The following BORCS5 variants were observed in gnomAD, a reference collection of about 807,000 sequenced individuals.
BORCS5 encodes the protein BLOC-1 related complex subunit 5.
BORCS5 carries 17 observed loss-of-function variants against 22.1 expected under a neutral mutation model. That is an observed-to-expected ratio of 0.77 (90% CI 0.53 to 1.15). The LOEUF is 1.15. BORCS5 is among the 50% of genes most tolerant of loss of function. The pLI, the probability that BORCS5 is intolerant of heterozygous loss-of-function variation, is 0.00. For missense variants in BORCS5, 247 were observed against 253.2 expected, an observed-to-expected ratio of 0.98 and a Z score of 0.17; for synonymous variants, 117 against 99.8, an observed-to-expected ratio of 1.17 and a Z score of -1.03.
At chr12:12,453,797 C>T (rs753786807) in intron 3 of BORCS5, among the ~76,000 whole-genome samples, 29 of 152,142 alleles carry the variant, frequency 1.9e-4, no homozygotes, top group Non-Finnish European at 3.8e-4. Context: ...TTTTCATCTG[C>T]CTAGAATGAA....
chr12:12,450,505 T>G (rs1291347504), intron 3 of BORCS5, among the ~76,000 whole-genome samples: 1 of 152,224 alleles, frequency 6.6e-6, no homozygotes, highest in African/African-American at 2.4e-5. Context: ...GTCTGGTAAT[T>G]TATTATTTTT....
At chr12:12,367,942 A>G (rs1442062530) in intron 2 of BORCS5, among the ~76,000 whole-genome samples, 3 of 152,198 alleles carry the variant, frequency 2.0e-5, no homozygotes, top group African/African-American at 7.2e-5. Flanking sequence ...ACAGAAGACG[A>G]ACACTTTCTT....
At chr12:12,447,885 C>T (rs575073492) in intron 3 of BORCS5, among the ~76,000 whole-genome samples, 1 of 152,286 alleles carries the variant, frequency 6.6e-6, no homozygotes, top group Non-Finnish European at 1.5e-5. Flanking sequence ...AGGTTAGTGG[C>T]GTGGCTTGGA....
chr12:12,421,846 T>A (rs1329805580), intron 2 of BORCS5, among the ~76,000 whole-genome samples: 2 of 152,228 alleles, frequency 1.3e-5, no homozygotes, highest in Admixed American at 1.3e-4. Context: ...TGTAGAAGTG[T>A]TTATAGTGTT....
chr12:12,406,169 G>A (rs541804933), intron 2 of BORCS5, among the ~76,000 whole-genome samples: 2 of 152,288 alleles, frequency 1.3e-5, no homozygotes, highest in African/African-American at 4.8e-5. Flanking sequence ...GTCTGGAGTG[G>A]GTGGCAATTT....
chr12:12,364,581 A>T (rs1003172977), intron 2 of BORCS5, among the ~76,000 whole-genome samples: 2 of 135,638 alleles, frequency 1.5e-5, no homozygotes, highest in Non-Finnish European at 3.2e-5. Flanking sequence ...GTTGTTGTTC[A>T]AGGGTCAGCT....
At position 12,357,317 on chromosome 12, in the gene BORCS5, A is replaced by G; in HGVS notation, c.-135A>G. The G allele has an allele frequency of 2.7e-6, 4 of 1,471,602 alleles. No homozygotes were observed. Among genetic ancestry groups the G allele is most frequent in the Admixed American group, 2.4e-5 (1 of 42,172 alleles). The allele number at this position is 1,471,602 out of a possible 1,614,324, so 91.2% of individuals were successfully genotyped here. ...TGCGTGGGCTGGACGCGTCAGCCCC[A>G]CACATTAGCCTCGCTGCGGCGCCCA... On this transcript the variant is annotated 5_prime_UTR_variant, in exon 1 of 4. Transcript: ENST00000314565.
chr12:12,376,861 G>C (rs1223545148), intron 2 of BORCS5, among the ~76,000 whole-genome samples: 2 of 152,164 alleles, frequency 1.3e-5, no homozygotes, highest in Non-Finnish European at 2.9e-5. Context: ...TGAAACTGCT[G>C]CAACCTGGTG....
intron 2 of BORCS5, among the ~76,000 whole-genome samples, chr12:12,412,918 T>A (rs576993158): frequency 0.036 from 5,116 of 142,228 alleles, 367 homozygotes; most frequent in African/African-American, 0.12. Context: ...TTTTTTTTTT[T>A]TTTTTTTATT....
intron 3 of BORCS5, among the ~76,000 whole-genome samples, chr12:12,457,659 C>T (rs1310207576): frequency 6.6e-6 from 1 of 152,204 alleles, no homozygotes; most frequent in African/African-American, 2.4e-5. Context: ...CTCTCCCCTC[C>T]CCACAAACTC....
chr12:12,442,581 T>A (rs1403366799), intron 3 of BORCS5, among the ~76,000 whole-genome samples: 3 of 152,202 alleles, frequency 2.0e-5, no homozygotes, highest in Non-Finnish European at 2.9e-5. Flanking sequence ...TACACAGGAT[T>A]ATGAAGAGGC....
In BORCS5 at chr12:12,438,366, A is replaced by AAAACAAAAAAAAAAAAAAC. The variant is rs1555155989; in HGVS notation, c.360+2584_360+2585insCAAAAAAAAAAAAAACAAA. 1.3e-3 allele frequency among the ~76,000 whole-genome samples: 148 copies of AAAACAAAAAAAAAAAAAAC among 118,080 alleles called. 5 individuals carry two copies. The highest frequency in any genetic ancestry group is 6.5e-3 in the African/African-American group (143 of 21,932). 77.5% of individuals were successfully genotyped at this position (118,080 alleles called of 152,430 possible). ...ACAGAGCCAGATTTCATCTCAAAAA[A>AAAACAAAAAAAAAAAAAAC]AAAAAAAAAAAAAACGAAAAACAAC... On this transcript the variant is annotated intron_variant, in intron 3 of 3. Coordinates refer to ENST00000314565, the MANE Select transcript of BORCS5 (RefSeq NM_058169.6).
At chr12:12,459,895 A>G (rs2136158250) in intron 3 of BORCS5, among the ~76,000 whole-genome samples, 1 of 152,324 alleles carries the variant, frequency 6.6e-6, no homozygotes, top group South Asian at 2.1e-4. Flanking sequence ...TGTTTTATGG[A>G]TCTGTGTGTC....
intron 2 of BORCS5, among the ~76,000 whole-genome samples, chr12:12,363,475 G>A (rs1041259014): frequency 2.0e-5 from 3 of 151,768 alleles, no homozygotes; most frequent in East Asian, 1.9e-4. Flanking sequence ...AGTGGCTTAC[G>A]CCTGTAAAAC....
At chr12:12,441,334 C>A (rs1942678994) in intron 3 of BORCS5, among the ~76,000 whole-genome samples, 4 of 152,190 alleles carry the variant, frequency 2.6e-5, no homozygotes, top group African/African-American at 7.2e-5. Context: ...AACTCCAGAG[C>A]CACACTGCCA....
At chr12:12,463,925 G>C (rs966842871) in intron 3 of BORCS5, among the ~76,000 whole-genome samples, 3 of 152,228 alleles carry the variant, frequency 2.0e-5, no homozygotes, top group African/African-American at 7.2e-5. Flanking sequence ...GCGGGGTGGA[G>C]GGCCAGGAAT....
chr12:12,384,717 G>A lies in BORCS5; in HGVS notation c.202+23368G>A, dbSNP rs377285969. On this transcript the variant is annotated intron_variant, in intron 2 of 3. Transcript: ENST00000314565. Reference sequence around the variant, plus strand: ...CCCCACACCCTCCTTTTTAAAAGACGACAATCACTTTATTATCTCTCAGAT... The same window carrying A: ...CCCCACACCCTCCTTTTTAAAAGACAACAATCACTTTATTATCTCTCAGAT... Among the ~76,000 whole-genome samples, 439 of 151,106 alleles carry A rather than the reference G, an allele frequency of 2.9e-3. 13 individuals are homozygous for A. Among genetic ancestry groups the A allele is most frequent in the African/African-American group, 0.01 (418 of 41,158 alleles).
At chr12:12,399,942 C>G (rs1941430012) in intron 2 of BORCS5, among the ~76,000 whole-genome samples, 1 of 152,128 alleles carries the variant, frequency 6.6e-6, no homozygotes, top group Non-Finnish European at 1.5e-5. Flanking sequence ...ATTGGAAAAG[C>G]TAAGCATAGA....
intron 3 of BORCS5, among the ~76,000 whole-genome samples, chr12:12,446,668 T>A (rs1942797187): frequency 1.3e-5 from 2 of 152,240 alleles, no homozygotes; most frequent in African/African-American, 4.8e-5. Flanking sequence ...CATTTAATTT[T>A]CTTCTGCCCA....
Sources: gnomAD v4.1 joint callset for allele counts (sites outside exome capture counted in the v4.1 genomes callset) on GRCh38, gnomAD v4.1.1 for gene constraint, MANE v1.5 for transcripts, NCBI Gene and HGNC (gene_info 2026-07-23, HGNC 2026-07-21) for gene names.